Variants in FIP1L1 observed in about 807,000 individuals in gnomAD.
FIP1L1 encodes factor interacting with PAPOLA and CPSF1.
Under a neutral mutation model 84.6 loss-of-function variants are expected in FIP1L1, and 21 were observed. The observed-to-expected ratio is 0.25, with a 90% CI of 0.18 to 0.36. FIP1L1 has a LOEUF of 0.36. Among genes scored for constraint, FIP1L1 ranks in the 10% least tolerant of loss-of-function variants. The pLI is 1.00. For synonymous variants in FIP1L1, 263 were observed against 242.3 expected (o/e 1.09, Z -0.80); for missense variants, 526 against 751.1 (o/e 0.70, Z 3.50).
intron 15 of FIP1L1, among the ~76,000 whole-genome samples, chr4:53,447,321 T>G (rs1774639297): frequency 1.3e-5 from 2 of 152,068 alleles, no homozygotes; most frequent in Admixed American, 1.3e-4. Context: ...TCTTCTCATT[T>G]ATATATGTAT....
At chr4:53,443,332 A>C (rs1203409048) in intron 14 of FIP1L1, among the ~76,000 whole-genome samples, 1 of 151,590 alleles carries the variant, frequency 6.6e-6, no homozygotes, top group African/African-American at 2.4e-5. Flanking sequence ...CCTTTTTACC[A>C]AAAGGGTTGA....
rs190853994 is a variant in FIP1L1 at position 53,396,546 on chromosome 4, C to T, written c.706-3184C>T. 1.2e-3 allele frequency among the ~76,000 whole-genome samples: 177 copies of T among 152,258 alleles called. 1 individual carries two copies. Among genetic ancestry groups the T allele is most frequent in the Non-Finnish European group, 2.0e-3 (135 of 68,008 alleles). ...TCAGCCTCCCGAGTAGCTGGGATTACAGGCGCCTGCCACCACACCTGGCTA... is the reference window on the plus strand; with the variant it reads ...TCAGCCTCCCGAGTAGCTGGGATTATAGGCGCCTGCCACCACACCTGGCTA... On this transcript the variant is annotated intron_variant, in intron 9 of 17. Coordinates refer to ENST00000337488, the MANE Select transcript of FIP1L1 (RefSeq NM_030917.4).
chr4:53,379,123 T>A lies in FIP1L1; in HGVS notation c.130+6T>A. The A allele has an allele frequency of 6.2e-7, 1 of 1,614,064 alleles. No homozygotes were observed. The highest frequency in any genetic ancestry group is 8.5e-7 in the Non-Finnish European group (1 of 1,179,962). ...TGATTTGGCAAAGGACCTAGGTTAG[T>A]GCTTGTGATGATCACTTCAGATTTT... On this transcript the variant is annotated splice_donor_region_variant and intron_variant, in intron 2 of 17. Transcript: ENST00000337488.
chr4:53,453,744 C>T (rs7698792), intron 16 of FIP1L1, among the ~76,000 whole-genome samples: 84,472 of 152,054 alleles, frequency 0.56, 25,313 homozygotes, highest in Non-Finnish European at 0.67. Flanking sequence ...AGACTACAGT[C>T]ATGCATCACC....
chr4:53,424,177 A>C (rs929656674), intron 11 of FIP1L1, among the ~76,000 whole-genome samples: 11 of 152,176 alleles, frequency 7.2e-5, no homozygotes, highest in African/African-American at 2.7e-4. Flanking sequence ...AAATTTTGAC[A>C]ATGGAGGGCA....
chr4:53,411,139 G>A (rs151289982), intron 10 of FIP1L1, among the ~76,000 whole-genome samples: 34 of 152,254 alleles, frequency 2.2e-4, no homozygotes, highest in South Asian at 6.2e-4. Context: ...ATGTATCAGG[G>A]AATTATAAAA....
chr4:53,398,748 CTA>C (rs1285779524), intron 9 of FIP1L1, among the ~76,000 whole-genome samples: 1 of 152,114 alleles, frequency 6.6e-6, no homozygotes, highest in African/African-American at 2.4e-5. Flanking sequence ...TTTCAACAGA[CTA>C]GAGGAATGTG....
chr4:53,410,679 A>C (rs1264875230), intron 10 of FIP1L1, among the ~76,000 whole-genome samples: 4 of 152,258 alleles, frequency 2.6e-5, no homozygotes, highest in Non-Finnish European at 5.9e-5. Flanking sequence ...AGAAATGCCC[A>C]TTAACATGAT....
At chr4:53,421,709 T>A (rs916947967) in intron 11 of FIP1L1, among the ~76,000 whole-genome samples, 6 of 152,236 alleles carry the variant, frequency 3.9e-5, no homozygotes, top group Non-Finnish European at 5.9e-5. Flanking sequence ...CATAGATGTC[T>A]ACATTGATAT....
chr4:53,411,634 C>T (rs1757275782), intron 10 of FIP1L1, among the ~76,000 whole-genome samples: 1 of 152,130 alleles, frequency 6.6e-6, no homozygotes, highest in African/African-American at 2.4e-5. Flanking sequence ...AGCTGTGCTA[C>T]TGACCTAAGC....
chr4:53,396,107 C>T (rs1480559974), intron 9 of FIP1L1, among the ~76,000 whole-genome samples: 1 of 151,812 alleles, frequency 6.6e-6, no homozygotes, highest in African/African-American at 2.4e-5. Context: ...TTAGTAGAGA[C>T]AGGGTTTTGC....
intron 5 of FIP1L1, 98 bp from the exon 6 acceptor site, chr4:53,389,711 A>G (rs1319662736): frequency 1.5e-5 from 13 of 866,682 alleles, no homozygotes; most frequent in Non-Finnish European, 2.0e-5. Context: ...TCCATTTACT[A>G]TGTGATTGTA....
intron 15 of FIP1L1, among the ~76,000 whole-genome samples, chr4:53,451,293 G>A (rs1315985040): frequency 1.3e-5 from 2 of 151,134 alleles, no homozygotes; most frequent in East Asian, 1.9e-4. Context: ...ATTTTCGATC[G>A]GGGGTTGTTT....
intron 5 of FIP1L1, among the ~76,000 whole-genome samples, chr4:53,385,348 CAAATATT>C (rs1740371855): frequency 1.3e-5 from 2 of 152,034 alleles, no homozygotes; most frequent in African/African-American, 2.4e-5. Context: ...AAATTGCACT[CAAATATT>C]AAATATACGT....
chr4:53,407,748 A>T (rs568301447), intron 10 of FIP1L1, among the ~76,000 whole-genome samples: 1 of 152,008 alleles, frequency 6.6e-6, no homozygotes, highest in African/African-American at 2.4e-5. Context: ...GCATTATGTA[A>T]TGGCCTTCTT....
At chr4:53,418,410 C>A (rs1760775361) in intron 11 of FIP1L1, among the ~76,000 whole-genome samples, 1 of 152,226 alleles carries the variant, frequency 6.6e-6, no homozygotes, top group African/African-American at 2.4e-5. Flanking sequence ...CAAGCCAAAT[C>A]TGTAAGTGTT....
chr4:53,419,274 A>G (rs1761127789), intron 11 of FIP1L1, among the ~76,000 whole-genome samples: 2 of 152,130 alleles, frequency 1.3e-5, no homozygotes, highest in Admixed American at 1.3e-4. Context: ...TTAAAAATTG[A>G]CATTTAAAAA....
Position 53,404,190 on chromosome 4 carries a change from G to C in FIP1L1, c.815+4351G>C, listed in dbSNP as rs1213442864. ...CCCACCCCACAACAGTCCCCAGAGT[G>C]TGATGTTCCCCTTCCTGTGTCCATG... On this transcript the variant is annotated intron_variant, in intron 10 of 17. Transcript: ENST00000337488. 2.5e-5 allele frequency among the ~76,000 whole-genome samples: 3 copies of C among 117,892 alleles called. No individual in the cohort carries two copies. The South Asian group carries it at 8.2e-4, about 32-fold the overall frequency. The allele number at this position is 117,892 out of a possible 152,430, so 77.3% of individuals were successfully genotyped here.
intron 10 of FIP1L1, among the ~76,000 whole-genome samples, chr4:53,405,732 T>C (rs2149582467): frequency 6.7e-6 from 1 of 149,530 alleles, no homozygotes; most frequent in South Asian, 2.2e-4. Context: ...ACATCCCTTG[T>C]AAGTTGGATT....
Sources: gnomAD v4.1 joint callset for allele counts (sites outside exome capture counted in the v4.1 genomes callset) on GRCh38, gnomAD v4.1.1 for gene constraint, MANE v1.5 for transcripts, NCBI Gene and HGNC (gene_info 2026-07-23, HGNC 2026-07-21) for gene names.